The following C1orf94 variants were observed in gnomAD, a reference collection of about 807,000 sequenced individuals.
C1orf94 encodes the protein chromosome 1 open reading frame 94.
In C1orf94, 45 loss-of-function variants were observed where a neutral mutation model predicts 53.6. The ratio of observed to expected loss-of-function variants is 0.84; its 90% CI spans 0.66 to 1.08. C1orf94 has a LOEUF of 1.08. C1orf94 is among the 50% of genes least tolerant of loss of function. The pLI, the probability that C1orf94 is intolerant of heterozygous loss-of-function variation, is 0.00. For synonymous variants in C1orf94, 304 were observed against 296.1 expected (o/e 1.03, Z -0.27); for missense variants, 762 against 738.9 (o/e 1.03, Z -0.36).
chr1:34,206,470 G>A (rs1642794559), intron 4 of C1orf94, among the ~76,000 whole-genome samples: 1 of 152,226 alleles, frequency 6.6e-6, no homozygotes, highest in Non-Finnish European at 1.5e-5. Context: ...TGGTGACATG[G>A]AATGCTCCCA....
intron 5 of C1orf94, among the ~76,000 whole-genome samples, chr1:34,209,863 A>G (rs297796): frequency 0.25 from 37,769 of 152,070 alleles, 5,052 homozygotes; most frequent in African/African-American, 0.35. Context: ...GTGTATGTGT[A>G]TGCATGCATG....
upstream of C1orf94, among the ~76,000 whole-genome samples, chr1:34,172,985 G>A (rs941971204): frequency 3.9e-5 from 6 of 152,198 alleles, no homozygotes; most frequent in Admixed American, 6.5e-5. Flanking sequence ...CTACAAAAGC[G>A]TTTGAGTCCT....
At chr1:34,213,265 A>C (rs1642925164) in intron 6 of C1orf94, among the ~76,000 whole-genome samples, 1 of 152,128 alleles carries the variant, frequency 6.6e-6, no homozygotes, top group South Asian at 2.1e-4. Context: ...CCTCCCCATC[A>C]CAGAACCTTC....
chr1:34,212,482 C>A, intron 6 of C1orf94, 76 bp downstream of exon 6: 1 of 1,413,120 alleles, frequency 7.1e-7, no homozygotes, highest in Non-Finnish European at 9.6e-7. Context: ...GTGGGCTTAC[C>A]AGCGCTTTCT....
In C1orf94 at chr1:34,202,249, T is replaced by G; in HGVS notation, c.1436T>G (p.Leu479Trp). The G allele has an allele frequency of 6.2e-7, 1 of 1,614,082 alleles. No homozygotes were observed. The highest frequency in any genetic ancestry group is 1.7e-5 in the Admixed American group (1 of 60,022). ...GTGTTCACGAATCACTCTACCTTCT[T>G]GCAGTATCAGGTCAGTGAGCTGGCC... ...PPVFTNHSTFLQYQGLYPQQA... is the reference protein window; with the variant it reads ...PPVFTNHSTFWQYQGLYPQQA... The change falls in exon 4 of 7, where the codon TTG becomes TGG. Residue 479 changes from leucine to tryptophan, a missense_variant. By Grantham distance (61) the Leu-to-Trp change is moderately conservative. Transcript: ENST00000488417.
At position 34,177,729 on chromosome 1, in the gene C1orf94, G is replaced by C. The variant is rs1224721920; in HGVS notation, c.-61G>C. The C allele has an allele frequency of 3.5e-6, 5 of 1,441,312 alleles. No individual in the cohort carries two copies. In the Admixed American group the frequency reaches 7.9e-5, roughly 23 times the overall value. The allele number at this position is 1,441,312 out of a possible 1,614,324, so 89.3% of individuals were successfully genotyped here. The stretch of plus-strand genomic sequence containing the variant: ...CTGAACCTAACCACCTTGCTGGAGC[G>C]AAAGCCAGACAGAACTGACCCACTT... On this transcript the variant is annotated 5_prime_UTR_variant, in exon 1 of 7. Transcript: ENST00000488417.
In C1orf94 at chr1:34,184,578, G is replaced by A. The variant is rs140109900; in HGVS notation, c.320+6469G>A. Among the ~76,000 whole-genome samples, 26 of 152,312 alleles carry A rather than the reference G, an allele frequency of 1.7e-4. No individual in the cohort carries two copies. The East Asian group carries it at 4.0e-3, about 24-fold the overall frequency. ...AAAAACAGAAGTGGTTTATTGATTGGCAGCTTTCTGAGGCTATTTGTTGCA... is the reference window on the plus strand; with the variant it reads ...AAAAACAGAAGTGGTTTATTGATTGACAGCTTTCTGAGGCTATTTGTTGCA... On this transcript the variant is annotated intron_variant, in intron 1 of 6. Transcript: ENST00000488417.
upstream of C1orf94, among the ~76,000 whole-genome samples, chr1:34,176,608 C>G (rs297782): frequency 0.38 from 57,559 of 151,942 alleles, 11,135 homozygotes; most frequent in South Asian, 0.53. Context: ...CTTTGAGATT[C>G]GCTTTCCTCC....
In C1orf94 at chr1:34,202,268, G is replaced by C. The variant is rs770238251; in HGVS notation, c.1446+9G>C. 6.2e-7 allele frequency: 1 copy of C among 1,613,068 alleles called. No homozygotes were observed. Among genetic ancestry groups the C allele is most frequent in the Non-Finnish European group, 8.5e-7 (1 of 1,179,486 alleles). Reference sequence around the variant, plus strand: ...CCTTCTTGCAGTATCAGGTCAGTGAGCTGGCCTGGCTCTCCTGTGGACATC... The same window carrying C: ...CCTTCTTGCAGTATCAGGTCAGTGACCTGGCCTGGCTCTCCTGTGGACATC... On this transcript the variant is annotated intron_variant, in intron 4 of 6. Coordinates refer to ENST00000488417, the MANE Select transcript of C1orf94 (RefSeq NM_001134734.2).
At position 34,197,594 on chromosome 1, in the gene C1orf94, T is replaced by A; in HGVS notation, c.690T>A (p.Gly230=). The change falls in exon 2 of 7, where the codon GGT becomes GGA. Residue 230 remains glycine, a synonymous_variant. Coordinates refer to ENST00000488417, the MANE Select transcript of C1orf94 (RefSeq NM_001134734.2). The surrounding 1 kb of genome is among the most constrained non-coding windows in gnomAD (Gnocchi z 4.1). ...CAGAGGACAGGGGCCGCATCCTAGG[T>A]GACTCCAACTTGCAAGTCAGCAAGC... is the stretch of plus-strand genomic sequence containing the variant. ...KGTEDRGRIL[G]DSNLQVSKLL... is the part of the protein sequence containing the mutation. 1 of 1,614,096 alleles carries A rather than the reference T, an allele frequency of 6.2e-7. No homozygotes were observed. The highest frequency in any genetic ancestry group is 8.5e-7 in the Non-Finnish European group (1 of 1,180,000).
At chr1:34,213,360 G>A (rs909143070) in intron 6 of C1orf94, among the ~76,000 whole-genome samples, 1 of 152,168 alleles carries the variant, frequency 6.6e-6, no homozygotes, top group Non-Finnish European at 1.5e-5. Flanking sequence ...GATAAATGCA[G>A]CAAGTGGTTT....
Position 34,189,735 on chromosome 1 carries a change from C to T in C1orf94, c.321-7490C>T, listed in dbSNP as rs112930028. Reference sequence around the variant, plus strand: ...TGACCTCCCTTTCCACTCACTGCCACAGCTCCTGCAAGTCCCCATGCTGGA... The same window carrying T: ...TGACCTCCCTTTCCACTCACTGCCATAGCTCCTGCAAGTCCCCATGCTGGA... On this transcript the variant is annotated intron_variant, in intron 1 of 6. Transcript: ENST00000488417. 9.5e-3 allele frequency among the ~76,000 whole-genome samples: 1,454 copies of T among 152,278 alleles called. 25 individuals are homozygous for T. Among genetic ancestry groups the T allele is most frequent in the African/African-American group, 0.033 (1,369 of 41,548 alleles).
chr1:34,186,907 C>G (rs1351279438), intron 1 of C1orf94, among the ~76,000 whole-genome samples: 1 of 152,188 alleles, frequency 6.6e-6, no homozygotes, highest in Non-Finnish European at 1.5e-5. Flanking sequence ...CAGTGCCCAG[C>G]TGAGTTCCTG....
chr1:34,197,781 C>T lies in C1orf94; in HGVS notation c.877C>T (p.Pro293Ser), dbSNP rs1642625246. 1 of 1,614,228 alleles carries T rather than the reference C, an allele frequency of 6.2e-7. No homozygotes were observed. Residue 293 changes from proline (P) to serine (S), a missense_variant, in exon 2 of 7, where the codon CCT (proline) becomes TCT (serine). Pro to Ser is a moderately conservative substitution (Grantham distance 74, BLOSUM62 -1). Coordinates refer to ENST00000488417, the MANE Select transcript of C1orf94 (RefSeq NM_001134734.2). This position sits in a 1 kb window ranked among gnomAD's most constrained non-coding sequence, Gnocchi z 4.1. The stretch of plus-strand genomic sequence containing the variant: ...AGGGCTGAGCCCATTTCTGCTGCTG[C>T]CTCCCCGACCTCCTCCTGCACGTCC... The part of the protein sequence containing the change: ...PTGLSPFLLL[P>S]PRPPPARPDK...
chr1:34,180,882 A>T (rs964444506), intron 1 of C1orf94, among the ~76,000 whole-genome samples: 46 of 152,188 alleles, frequency 3.0e-4, no homozygotes, highest in African/African-American at 9.9e-4. Context: ...CCTATTTATC[A>T]TAGGAACCTA....
chr1:34,197,912 G>T lies in C1orf94; in HGVS notation c.1008G>T (p.Met336Ile), dbSNP rs747441377. The T allele has an allele frequency of 9.9e-6, 16 of 1,610,528 alleles. No homozygotes were observed. Among genetic ancestry groups the T allele is most frequent in the Non-Finnish European group, 1.4e-5 (16 of 1,178,020 alleles). Residue 336 changes from methionine to isoleucine, a missense_variant and splice_region_variant, in exon 2 of 7, where the codon ATG (methionine) becomes ATT (isoleucine). Transcript: ENST00000488417. This position sits in a 1 kb window ranked among gnomAD's most constrained non-coding sequence, Gnocchi z 4.1. ...ADPAVERHHL[M>I]EWSPGTKEPK... ...CTGCTGTGGAGAGGCACCACTTGAT[G>T]GGTGAGTGGGGTTGGAACTGGGGTA...
chr1:34,202,243 C>T lies in C1orf94; in HGVS notation c.1430C>T (p.Thr477Ile), dbSNP rs777521537. The T allele has an allele frequency of 2.5e-6, 4 of 1,614,124 alleles. No homozygotes were observed. Among genetic ancestry groups the T allele is most frequent in the Non-Finnish European group, 3.4e-6 (4 of 1,179,992 alleles). Reference sequence around the variant, plus strand: ...CCACCAGTGTTCACGAATCACTCTACCTTCTTGCAGTATCAGGTCAGTGAG... The same window carrying T: ...CCACCAGTGTTCACGAATCACTCTATCTTCTTGCAGTATCAGGTCAGTGAG... ...PPPPVFTNHS[T>I]FLQYQGLYPQ... The change falls in exon 4 of 7, where the codon ACC becomes ATC. Residue 477 changes from threonine to isoleucine, a missense_variant. By Grantham distance (89) the Thr-to-Ile change is moderately conservative. Coordinates refer to ENST00000488417, the MANE Select transcript of C1orf94 (RefSeq NM_001134734.2).
chr1:34,186,442 A>G (rs1393767950), intron 1 of C1orf94, among the ~76,000 whole-genome samples: 1 of 152,240 alleles, frequency 6.6e-6, no homozygotes, highest in African/African-American at 2.4e-5. Context: ...CATGATTGAT[A>G]TGGGACAAGG....
At chr1:34,185,713 C>A (rs1008080574) in intron 1 of C1orf94, among the ~76,000 whole-genome samples, 4 of 152,176 alleles carry the variant, frequency 2.6e-5, no homozygotes, top group Admixed American at 2.0e-4. Context: ...GCATTGGGTG[C>A]CTTTCCCTCC....
Sources: allele counts gnomAD v4.1 joint callset (sites outside exome capture counted in the v4.1 genomes callset), GRCh38; gene constraint gnomAD v4.1.1; non-coding constraint Gnocchi (gnomAD v3.1); transcripts MANE v1.5; gene names NCBI Gene and HGNC (gene_info 2026-07-23, HGNC 2026-07-21).